Variants in KIR3DL2 observed in about 807,000 individuals in gnomAD.
KIR3DL2 encodes the protein killer cell immunoglobulin-like receptor 3DL2.
A neutral mutation model predicts 41.6 loss-of-function variants in KIR3DL2; 42 were observed. That is an observed-to-expected ratio of 1.01 (90% CI 0.79 to 1.31). KIR3DL2 has a LOEUF of 1.31. Ranked by LOEUF, KIR3DL2 falls within the 50% of genes most tolerant of loss-of-function variation. The pLI, the probability that KIR3DL2 is intolerant of heterozygous loss-of-function variation, is 0.00. For missense variants in KIR3DL2, 728 were observed against 576.8 expected (o/e 1.26, Z -2.68); for synonymous variants, 230 against 221.3 (o/e 1.04, Z -0.35).
At chr19:54,850,750 A>G (rs369963401) in intron 1 of KIR3DL2, among the ~76,000 whole-genome samples, 1 of 92,432 alleles carries the variant, frequency 1.1e-5, no homozygotes, top group Non-Finnish European at 2.0e-5. Flanking sequence ...GAGTGGAGAT[A>G]TGGGCCTGGA....
At chr19:54,854,467 C>T (rs1303282779) in intron 4 of KIR3DL2, among the ~76,000 whole-genome samples, 2 of 151,796 alleles carry the variant, frequency 1.3e-5, no homozygotes, top group Non-Finnish European at 2.9e-5. Context: ...GGCCTCAGGC[C>T]TTGTGGCATC....
At chr19:54,856,049 C>A in intron 5 of KIR3DL2, 137 bp downstream of exon 5, 1 of 1,133,726 alleles carries the variant, frequency 8.8e-7, no homozygotes. Flanking sequence ...GGTCAGGGTG[C>A]AGGATGGCAG....
Position 54,866,645 on chromosome 19 carries a change from T to C in KIR3DL2, c.1282T>C (p.Tyr428His). 2 of 1,613,982 alleles carry C rather than the reference T, an allele frequency of 1.2e-6. No individual in the cohort carries two copies. Among genetic ancestry groups the C allele is most frequent in the Non-Finnish European group, 1.7e-6 (2 of 1,179,974 alleles). The change falls in exon 9 of 9, where the codon TAC becomes CAC. Residue 428 changes from tyrosine to histidine, a missense_variant. Coordinates refer to ENST00000326321, the MANE Select transcript of KIR3DL2 (RefSeq NM_006737.4). ...GACACCCCTAACAGATACCAGCGTG[T>C]ACACGGAACTTCCAAATGCTGAGCC... ...PKTPLTDTSV[Y>H]TELPNAEPRS...
rs1427564409 is a variant in KIR3DL2 at position 54,853,494 on chromosome 19, C to T, written c.356-253C>T. On this transcript the variant is annotated intron_variant, in intron 3 of 8. Transcript: ENST00000326321. ...GAAAGAGACTAGTGGGAAAGAGATA[C>T]AACAGCCCAAGAGATGAGGCTCTCT... Among the ~76,000 whole-genome samples the T allele has an allele frequency of 4.0e-5, 6 of 151,694 alleles. 1 individual carries two copies. The highest frequency in any genetic ancestry group is 1.5e-4 in the African/African-American group (6 of 41,082).
intron 2 of KIR3DL2, 62 bp downstream of exon 2, chr19:54,851,317 G>T: frequency 6.4e-7 from 1 of 1,558,714 alleles, no homozygotes; most frequent in Non-Finnish European, 8.8e-7. Flanking sequence ...TTCTGAAACA[G>T]GAGGGAAGTC....
In KIR3DL2 at chr19:54,854,040, A is replaced by G. The variant is rs763955207; in HGVS notation, c.649A>G (p.Ile217Val). 3.5e-5 allele frequency: 56 copies of G among 1,612,524 alleles called. No homozygotes were observed. In the South Asian group the frequency reaches 5.2e-4, roughly 15 times the overall value. The change falls in exon 4 of 9, where the codon ATC becomes GTC. Residue 217 changes from isoleucine to valine, a missense_variant. Coordinates refer to ENST00000326321, the MANE Select transcript of KIR3DL2 (RefSeq NM_006737.4). ...TCCCAGTGACCCCCTGGACATCGTGATCACAGGTGAGAGTGTCCAGACATT... is the reference window on the plus strand; with the variant it reads ...TCCCAGTGACCCCCTGGACATCGTGGTCACAGGTGAGAGTGTCCAGACATT... ...SAPSDPLDIVITGLYEKPSLS... is the reference protein window; with the variant it reads ...SAPSDPLDIVVTGLYEKPSLS...
chr19:54,865,725 C>T, intron 6 of KIR3DL2, 80 bp from the exon 7 acceptor site: 4 of 1,256,942 alleles, frequency 3.2e-6, no homozygotes, highest in Non-Finnish European at 4.6e-6. Flanking sequence ...CATGTGGTTA[C>T]CTGTCAATCA....
At chr19:54,858,382 A>G (rs2064945629) in intron 5 of KIR3DL2, among the ~76,000 whole-genome samples, 2 of 150,218 alleles carry the variant, frequency 1.3e-5, no homozygotes, top group Admixed American at 6.6e-5. Context: ...TCCCCACACC[A>G]TTTATTGAAG....
intron 1 of KIR3DL2, 65 bp from the exon 2 acceptor site, chr19:54,851,155 G>T: frequency 1.3e-6 from 2 of 1,588,222 alleles, no homozygotes; most frequent in Non-Finnish European, 1.7e-6. Flanking sequence ...ACACAGTGCA[G>T]TGGGGGCAGC....
At chr19:54,865,527 A>G (rs1231331286) in intron 6 of KIR3DL2, among the ~76,000 whole-genome samples, 1 of 152,158 alleles carries the variant, frequency 6.6e-6, no homozygotes. Context: ...ACACCTTCCC[A>G]TAGGCCCAAA....
chr19:54,859,500 C>T lies in KIR3DL2; in HGVS notation c.1000+371C>T, dbSNP rs1373044783. On this transcript the variant is annotated intron_variant, in intron 6 of 8. Transcript: ENST00000326321. ...GAGGGTGGGTGTTTTAGAGAAGTTCCACTTGCCAAGGAATGAATTACTGTT... is the reference window on the plus strand; with the variant it reads ...GAGGGTGGGTGTTTTAGAGAAGTTCTACTTGCCAAGGAATGAATTACTGTT... Among the ~76,000 whole-genome samples, 511 of 152,006 alleles carry T rather than the reference C, an allele frequency of 3.4e-3. 2 individuals carry two copies. Among genetic ancestry groups the T allele is most frequent in the African/African-American group, 0.012 (493 of 41,498 alleles).
chr19:54,865,863 C>A lies in KIR3DL2; in HGVS notation c.1059C>A (p.Ile353=). 6.2e-7 allele frequency: 1 copy of A among 1,613,818 alleles called. No individual in the cohort carries two copies. Among genetic ancestry groups the A allele is most frequent in the Non-Finnish European group, 8.5e-7 (1 of 1,179,840 alleles). ...IGTSVVIFLF[I]LLLFFLLYRW... ...CCTCAGTGGTCATCTTCCTCTTCAT[C>A]CTCCTCCTCTTCTTTCTCCTTTATC... is the stretch of plus-strand genomic sequence containing the variant. The change falls in exon 7 of 9, where the codon ATC becomes ATA. Residue 353 remains isoleucine (I), a synonymous_variant. Coordinates refer to ENST00000326321, the MANE Select transcript of KIR3DL2 (RefSeq NM_006737.4).
intron 6 of KIR3DL2, among the ~76,000 whole-genome samples, chr19:54,860,453 C>T (rs1339626608): frequency 6.6e-6 from 1 of 152,052 alleles, no homozygotes; most frequent in Non-Finnish European, 1.5e-5. Context: ...TCACTGCAAC[C>T]TCCACCTCCT....
At position 54,866,771 on chromosome 19, in the gene KIR3DL2, C is replaced by T. The variant is rs539943715; in HGVS notation, c.*40C>T. 3.8e-6 allele frequency: 6 copies of T among 1,598,856 alleles called. No homozygotes were observed. Among genetic ancestry groups the T allele is most frequent in the Middle Eastern group, 1.7e-4 (1 of 6,036 alleles). On this transcript the variant is annotated 3_prime_UTR_variant, in exon 9 of 9. Coordinates refer to ENST00000326321, the MANE Select transcript of KIR3DL2 (RefSeq NM_006737.4). ...TGTCTCAAAACCAGGTTGCCAGATC[C>T]AATGAACCAGCAGCTGGAATCTGAA...
intron 6 of KIR3DL2, among the ~76,000 whole-genome samples, chr19:54,864,661 C>G (rs1299483506): frequency 6.6e-6 from 1 of 151,936 alleles, no homozygotes; most frequent in African/African-American, 2.4e-5. Flanking sequence ...CTCTGTTTGT[C>G]TGTTATTGGT....
chr19:54,859,377 C>G (rs1269635142), intron 6 of KIR3DL2, among the ~76,000 whole-genome samples: 1 of 152,122 alleles, frequency 6.6e-6, no homozygotes, highest in Admixed American at 6.5e-5. Flanking sequence ...AATCTGACAT[C>G]CTTCTCAGGA....
At chr19:54,856,281 C>A (rs1356813226) in intron 5 of KIR3DL2, among the ~76,000 whole-genome samples, 6 of 151,430 alleles carry the variant, frequency 4.0e-5, no homozygotes, top group South Asian at 4.2e-4. Flanking sequence ...TCACCAGCAA[C>A]CCCTACACTC....
intron 2 of KIR3DL2, among the ~76,000 whole-genome samples, 161 bp from the exon 3 acceptor site, chr19:54,851,837 G>A (rs1283003888): frequency 6.6e-6 from 1 of 151,844 alleles, no homozygotes; most frequent in Non-Finnish European, 1.5e-5. Flanking sequence ...ACTTGTTGTA[G>A]GGAGACGCCA....
At chr19:54,862,840 T>C (rs866670793) in intron 6 of KIR3DL2, among the ~76,000 whole-genome samples, 3 of 123,152 alleles carry the variant, frequency 2.4e-5, no homozygotes, top group Non-Finnish European at 5.0e-5. Flanking sequence ...GTGCTTCTGA[T>C]GAGCTTTTTT....
Sources: gnomAD v4.1 joint callset for allele counts (sites outside exome capture counted in the v4.1 genomes callset) on GRCh38, gnomAD v4.1.1 for gene constraint, MANE v1.5 for transcripts, NCBI Gene and HGNC (gene_info 2026-07-23, HGNC 2026-07-21) for gene names.